Variants in GTF3C3 observed in about 807,000 individuals in gnomAD.
GTF3C3 encodes general transcription factor 3C polypeptide 3.
In GTF3C3, 75 loss-of-function variants were observed where a neutral mutation model predicts 105.2. The ratio of observed to expected loss-of-function variants is 0.71; its 90% CI spans 0.59 to 0.86. The LOEUF (loss-of-function observed/expected upper bound fraction) is 0.86, where lower values mean the gene tolerates loss of function less well. Ranked by LOEUF, GTF3C3 falls within the 40% of genes least tolerant of loss-of-function variation. The pLI is 0.00. For missense variants in GTF3C3, 856 were observed against 1,076.5 expected (o/e 0.80, Z 2.87); for synonymous variants, 335 against 370.4 (o/e 0.90, Z 1.10).
Position 196,764,689 on chromosome 2 carries a change from G to A in GTF3C3, c.2539-4C>T, listed in dbSNP as rs938422526. The A allele has an allele frequency of 1.2e-5, 20 of 1,603,962 alleles. No individual in the cohort carries two copies. The African/African-American group carries it at 1.5e-4, about 12-fold the overall frequency. ...CTAACTGGTCAAGTTCTATACCCTA[G>A]GGAGAAAAAGATACCTTTATGTTTA... On this transcript the variant is annotated splice_region_variant and splice_polypyrimidine_tract_variant and intron_variant, in intron 17 of 17. Coordinates refer to ENST00000263956, the MANE Select transcript of GTF3C3 (RefSeq NM_012086.5).
chr2:196,786,170 C>T lies in GTF3C3; in HGVS notation c.894-582G>A, dbSNP rs1469534157. 6.6e-6 allele frequency among the ~76,000 whole-genome samples: 1 copy of T among 152,150 alleles called. No homozygotes were observed. The highest frequency in any genetic ancestry group is 1.5e-5 in the Non-Finnish European group (1 of 68,028). On this transcript the variant is annotated intron_variant, in intron 6 of 17. Transcript: ENST00000263956. This position sits in a 1 kb window ranked among gnomAD's most constrained non-coding sequence, Gnocchi z 4.2. The stretch of plus-strand genomic sequence containing the variant: ...TGATGAGCAGTATTACTACAGTTAC[C>T]TATTTCAGTACTTCTCAAACCTAAA...
rs374473758 is a variant in GTF3C3 at position 196,786,469 on chromosome 2, C to T, written c.894-881G>A. 3.9e-5 allele frequency among the ~76,000 whole-genome samples: 6 copies of T among 152,294 alleles called. No homozygotes were observed. The East Asian group carries it at 9.6e-4, about 24-fold the overall frequency. On this transcript the variant is annotated intron_variant, in intron 6 of 17. Coordinates refer to ENST00000263956, the MANE Select transcript of GTF3C3 (RefSeq NM_012086.5). This position sits in a 1 kb window ranked among gnomAD's most constrained non-coding sequence, Gnocchi z 4.2. ...AACATCCCACATATTTCCAGCACAT[C>T]TACCTACTTACCAGTATCTTTGGCC...
intron 8 of GTF3C3, among the ~76,000 whole-genome samples, chr2:196,783,566 C>G (rs889903623): frequency 3.3e-5 from 5 of 152,262 alleles, no homozygotes; most frequent in Admixed American, 6.5e-5. Context: ...ACTCCTTATT[C>G]TACTCATTCA....
At position 196,775,235 on chromosome 2, in the gene GTF3C3, G is replaced by A; in HGVS notation, c.1712C>T (p.Ala571Val). The change falls in exon 13 of 18, where the codon GCC (alanine) becomes GTC (valine). Residue 571 changes from alanine to valine, a missense_variant. Physicochemically the swap from Ala to Val is moderately conservative, Grantham distance 64. This residue lies in a region of GTF3C3 where 605 missense variants were observed against 833.6 expected (regional missense o/e 0.73). Transcript: ENST00000263956. ...GGAACTGGATATCAAACAAACTTGG[G>A]CTCGATTCATTGCTACCTGAATTAA... is the stretch of plus-strand genomic sequence containing the variant. ...AMLLKVAMNR[A>V]QVCLISSSKS... The A allele has an allele frequency of 1.2e-6, 2 of 1,603,496 alleles. No homozygotes were observed. The highest frequency in any genetic ancestry group is 8.5e-7 in the Non-Finnish European group (1 of 1,176,466).
intron 14 of GTF3C3, among the ~76,000 whole-genome samples, chr2:196,772,188 G>A (rs1699186198): frequency 6.6e-6 from 1 of 152,200 alleles, no homozygotes. Flanking sequence ...AACTAAAACA[G>A]GAGCAAGTGG....
intron 2 of GTF3C3, among the ~76,000 whole-genome samples, chr2:196,793,655 G>C (rs1193185452): frequency 6.6e-6 from 1 of 152,078 alleles, no homozygotes; most frequent in Non-Finnish European, 1.5e-5. Context: ...ATAATTTATA[G>C]GGCTACTCTG....
chr2:196,794,099 T>C (rs115111764), intron 2 of GTF3C3, among the ~76,000 whole-genome samples: 3,854 of 152,192 alleles, frequency 0.025, 66 homozygotes, highest in Middle Eastern at 0.037. Flanking sequence ...GGAGTGGGAC[T>C]GGTGGCTTTA....
Position 196,764,451 on chromosome 2 carries a change from G to GTAAT in GTF3C3, c.*108_*111dup. ...TAAAAATAAATACACTGTTTGTTAG[G>GTAAT]TAATTCTGAAATTGTCATTTCTATT... is the stretch of plus-strand genomic sequence containing the variant. On this transcript the variant is annotated 3_prime_UTR_variant, in exon 18 of 18. Transcript: ENST00000263956. The GTAAT allele has an allele frequency of 1.1e-5, 10 of 928,762 alleles. No individual in the cohort carries two copies. Among genetic ancestry groups the GTAAT allele is most frequent in the South Asian group, 2.6e-5 (1 of 39,204 alleles). 57.5% of individuals were successfully genotyped at this position (928,762 alleles called of 1,614,324 possible). A position where few individuals can be genotyped will look rare whatever the true frequency, so the allele number is the denominator to read the frequency against.
chr2:196,793,082 A>T lies in GTF3C3; in HGVS notation c.285T>A (p.Asp95Glu). The T allele has an allele frequency of 6.2e-7, 1 of 1,613,150 alleles. No individual in the cohort carries two copies. Among genetic ancestry groups the T allele is most frequent in the Non-Finnish European group, 8.5e-7 (1 of 1,179,614 alleles). The change falls in exon 3 of 18, where the codon GAT becomes GAA. Residue 95 changes from aspartate to glutamate, a missense_variant. By Grantham distance (45) the Asp-to-Glu change is conservative (BLOSUM62 2). Transcript: ENST00000263956. Reference sequence around the variant, plus strand: ...CCTCTTCTTCCTCTTCCTCCTCATCATCTTCATTCTCTCCAAGCATGGAAG... The same window carrying T: ...CCTCTTCTTCCTCTTCCTCCTCATCTTCTTCATTCTCTCCAAGCATGGAAG... Reference protein sequence around the residue: ...VFASMLGENEDDEEEEEEEEE... With the variant: ...VFASMLGENEEDEEEEEEEEE...
At position 196,786,255 on chromosome 2, in the gene GTF3C3, G is replaced by C. The variant is rs1365415058; in HGVS notation, c.894-667C>G. On this transcript the variant is annotated intron_variant, in intron 6 of 17. Coordinates refer to ENST00000263956, the MANE Select transcript of GTF3C3 (RefSeq NM_012086.5). The surrounding 1 kb of genome is among the most constrained non-coding windows in gnomAD (Gnocchi z 4.2). ...CGCATATTCGGATCCAGTAGAGCTG[G>C]GGCAGGCCTGAGATCCTGCATTTCT... Among the ~76,000 whole-genome samples the C allele has an allele frequency of 2.0e-5, 3 of 152,040 alleles. No individual in the cohort carries two copies. Among genetic ancestry groups the C allele is most frequent in the Non-Finnish European group, 4.4e-5 (3 of 68,000 alleles).
At chr2:196,772,378 G>A (rs546572294) in intron 14 of GTF3C3, among the ~76,000 whole-genome samples, 6 of 152,060 alleles carry the variant, frequency 3.9e-5, no homozygotes, top group South Asian at 2.1e-4. Flanking sequence ...GAGAAACCCC[G>A]TCTCTACTAA....
At position 196,764,558 on chromosome 2, in the gene GTF3C3, G is replaced by C; in HGVS notation, c.*5C>G. On this transcript the variant is annotated 3_prime_UTR_variant, in exon 18 of 18. Coordinates refer to ENST00000263956, the MANE Select transcript of GTF3C3 (RefSeq NM_012086.5). The stretch of plus-strand genomic sequence containing the variant: ...TGCCATTGCTCTGTTCTCAGTTGCG[G>C]TGCTTTATATAGAACAATAGGTATA... 6.2e-7 allele frequency: 1 copy of C among 1,611,918 alleles called. No individual in the cohort carries two copies. The highest frequency in any genetic ancestry group is 8.5e-7 in the Non-Finnish European group (1 of 1,178,692).
chr2:196,781,718 A>T (rs1223633599), intron 8 of GTF3C3, among the ~76,000 whole-genome samples: 1 of 152,016 alleles, frequency 6.6e-6, no homozygotes, highest in African/African-American at 2.4e-5. Context: ...GACTGTTTTT[A>T]TCACTGAGCT....
intron 1 of GTF3C3, among the ~76,000 whole-genome samples, chr2:196,798,323 G>A (rs1699681427): frequency 6.6e-6 from 1 of 152,060 alleles, no homozygotes. Flanking sequence ...TCAGGAGTTT[G>A]AGACCGGCCT....
intron 5 of GTF3C3, 149 bp from the exon 6 acceptor site, chr2:196,789,518 C>G (rs1169435227): frequency 1.7e-6 from 1 of 593,372 alleles, no homozygotes; most frequent in Admixed American, 3.3e-5. Flanking sequence ...TTCACAGGAA[C>G]TCTTGACTAG....
intron 16 of GTF3C3, among the ~76,000 whole-genome samples, chr2:196,769,404 T>C (rs1274103605): frequency 6.6e-5 from 10 of 152,182 alleles, no homozygotes; most frequent in African/African-American, 2.4e-4. Context: ...TAGTGAACAA[T>C]ATTTCTGATC....
chr2:196,769,443 G>A (rs1409670321), intron 16 of GTF3C3, among the ~76,000 whole-genome samples: 2 of 152,190 alleles, frequency 1.3e-5, no homozygotes, highest in African/African-American at 2.4e-5. Context: ...TATTAGAAGA[G>A]ACAAGCCATT....
chr2:196,799,651 A>G lies in GTF3C3; in HGVS notation c.-40T>C, dbSNP rs2125754679. ...TCTGTGCAACCCCAGGAACCGGGAC[A>G]GAGAACCGGAAGAGCAGCGCCTTCC... On this transcript the variant is annotated 5_prime_UTR_variant, in exon 1 of 18. Transcript: ENST00000263956. 1.4e-6 allele frequency: 2 copies of G among 1,440,902 alleles called. No individual in the cohort carries two copies. Among genetic ancestry groups the G allele is most frequent in the Non-Finnish European group, 2.0e-6 (2 of 1,023,610 alleles). 89.3% of individuals were successfully genotyped at this position (1,440,902 alleles called of 1,614,324 possible).
At chr2:196,783,297 A>C (rs1699399882) in intron 8 of GTF3C3, among the ~76,000 whole-genome samples, 1 of 151,952 alleles carries the variant, frequency 6.6e-6, no homozygotes, top group South Asian at 2.1e-4. Context: ...GGAGGGAGGG[A>C]AGTAAAATAT....
Sources: allele counts gnomAD v4.1 joint callset (sites outside exome capture counted in the v4.1 genomes callset), GRCh38; gene constraint gnomAD v4.1.1; regional missense constraint gnomAD v4.1.1; non-coding constraint Gnocchi (gnomAD v3.1); transcripts MANE v1.5; gene names NCBI Gene and HGNC (gene_info 2026-07-23, HGNC 2026-07-21).